Variants in EYS observed in about 807,000 individuals in gnomAD.
EYS encodes EGF-like photoreceptor maintenance factor.
Under a neutral mutation model 282.1 loss-of-function variants are expected in EYS, and 250 were observed. The ratio of observed to expected loss-of-function variants is 0.89; its 90% CI spans 0.80 to 0.98. EYS has a LOEUF of 0.98. EYS is among the 50% of genes least tolerant of loss of function. The probability of loss-of-function intolerance (pLI) is 0.00; values close to 1 mark genes in which losing one functional copy is unlikely to be tolerated. For missense variants in EYS, 4,016 were observed against 3,709.0 expected (o/e 1.08, Z -2.15); for synonymous variants, 1,355 against 1,282.9 (o/e 1.06, Z -1.20).
At chr6:65,205,693 C>A (rs909204941) in intron 12 of EYS, among the ~76,000 whole-genome samples, 11 of 151,818 alleles carry the variant, frequency 7.2e-5, no homozygotes, top group African/African-American at 2.7e-4. Context: ...GAAGTATTTT[C>A]TCAGATTAGA....
chr6:65,468,557 T>C (rs952324157), intron 5 of EYS, among the ~76,000 whole-genome samples: 1 of 152,084 alleles, frequency 6.6e-6, no homozygotes, highest in Non-Finnish European at 1.5e-5. Context: ...ATTTTGCATG[T>C]CAGGACCTGA....
chr6:64,453,987 C>G (rs1432211063), intron 26 of EYS, among the ~76,000 whole-genome samples: 2 of 151,980 alleles, frequency 1.3e-5, no homozygotes, highest in African/African-American at 2.4e-5. Context: ...TGCACATGTA[C>G]CCTAAAACTT....
intron 2 of EYS, among the ~76,000 whole-genome samples, chr6:65,586,533 A>C (rs1562273429): frequency 6.6e-6 from 1 of 152,218 alleles, no homozygotes; most frequent in East Asian, 1.9e-4. Context: ...ATTAGAGACA[A>C]AACTGATTGT....
intron 35 of EYS, among the ~76,000 whole-genome samples, chr6:63,880,226 C>A (rs1423915432): frequency 2.0e-5 from 3 of 152,084 alleles, no homozygotes; most frequent in Non-Finnish European, 4.4e-5. Context: ...ATCTGGTGGG[C>A]ACCATCTAAT....
chr6:64,215,082 T>C (rs1028964927), intron 31 of EYS, among the ~76,000 whole-genome samples: 27 of 152,018 alleles, frequency 1.8e-4, no homozygotes, highest in African/African-American at 6.5e-4. Context: ...TTCAGTGGTT[T>C]ATGATACTAA....
chr6:64,480,497 T>C (rs533323002), intron 26 of EYS, among the ~76,000 whole-genome samples: 1 of 151,960 alleles, frequency 6.6e-6, no homozygotes, highest in East Asian at 1.9e-4. Flanking sequence ...TTAATCTTTG[T>C]GCGATGTTAG....
intron 35 of EYS, among the ~76,000 whole-genome samples, chr6:63,878,132 T>C (rs1773029571): frequency 6.6e-6 from 1 of 152,216 alleles, no homozygotes; most frequent in African/African-American, 2.4e-5. Flanking sequence ...TCTTTGATGA[T>C]GGTGATGTAC....
intron 5 of EYS, among the ~76,000 whole-genome samples, chr6:65,457,289 T>A (rs556745129): frequency 1.3e-5 from 2 of 152,224 alleles, no homozygotes; most frequent in Admixed American, 6.5e-5. Context: ...CTCAGACTCC[T>A]ATGTTTCTGT....
intron 1 of EYS, among the ~76,000 whole-genome samples, chr6:65,676,720 ATTCTG>A (rs1768614656): frequency 6.6e-6 from 1 of 151,880 alleles, no homozygotes; most frequent in Admixed American, 6.6e-5. Flanking sequence ...GGCCAGCCTT[ATTCTG>A]AGATTAAAGC....
At chr6:65,450,625 G>A (rs2150401386) in intron 5 of EYS, among the ~76,000 whole-genome samples, 1 of 152,226 alleles carries the variant, frequency 6.6e-6, no homozygotes, top group South Asian at 2.1e-4. Flanking sequence ...TTCAGTCACA[G>A]ATATGCAGAT....
rs1771499619 is a variant in EYS at position 64,719,394 on chromosome 6, C to T, written c.3444-93149G>A. Among the ~76,000 whole-genome samples, 3 of 152,164 alleles carry T rather than the reference C, an allele frequency of 2.0e-5. No individual in the cohort carries two copies. The South Asian group carries it at 6.2e-4, about 32-fold the overall frequency. ...TAAGTTTTATTGCTATTAAATATTT[C>T]TATTTTTATTAAGGGAAGAGTACAT... On this transcript the variant is annotated intron_variant, in intron 22 of 42. Transcript: ENST00000503581.
chr6:65,114,196 A>G (rs1360510899), intron 12 of EYS, among the ~76,000 whole-genome samples: 2 of 152,066 alleles, frequency 1.3e-5, no homozygotes, highest in East Asian at 3.9e-4. Flanking sequence ...TCTCTCCATT[A>G]CATAAAAAAT....
chr6:64,500,574 C>CA, intron 26 of EYS, among the ~76,000 whole-genome samples: 1 of 151,878 alleles, frequency 6.6e-6, no homozygotes, highest in Admixed American at 6.6e-5. Context: ...AATTAAATAC[C>CA]AATGGTGTTC....
intron 1 of EYS, among the ~76,000 whole-genome samples, chr6:65,655,239 C>A (rs942509756): frequency 6.6e-6 from 1 of 151,386 alleles, no homozygotes; most frequent in Non-Finnish European, 1.5e-5. Flanking sequence ...AAATACTCTG[C>A]CATCAAGTAG....
chr6:64,945,145 AGAAT>A (rs1769241843), intron 15 of EYS, among the ~76,000 whole-genome samples: 1 of 148,964 alleles, frequency 6.7e-6, no homozygotes, highest in African/African-American at 2.5e-5. Context: ...AAAAAAAAAA[AGAAT>A]GGGAAAAATA....
intron 37 of EYS, among the ~76,000 whole-genome samples, chr6:63,801,414 T>G (rs1770779778): frequency 6.6e-6 from 1 of 152,158 alleles, no homozygotes; most frequent in Admixed American, 6.5e-5. Flanking sequence ...GAAGGCCTTA[T>G]CTAGGTGCCC....
intron 33 of EYS, among the ~76,000 whole-genome samples, chr6:64,024,601 C>G (rs781167177): frequency 3.6e-4 from 55 of 152,054 alleles, no homozygotes; most frequent in Non-Finnish European, 7.4e-5. Flanking sequence ...TCTTGCTGCT[C>G]CTCACTCTTT....
At chr6:65,203,835 G>A (rs1242930802) in intron 12 of EYS, among the ~76,000 whole-genome samples, 1 of 151,468 alleles carries the variant, frequency 6.6e-6, no homozygotes, top group Non-Finnish European at 1.5e-5. Flanking sequence ...AAAGAAAGTG[G>A]AATAACAATT....
chr6:63,941,512 T>C (rs1036981955), intron 35 of EYS, among the ~76,000 whole-genome samples: 1 of 152,070 alleles, frequency 6.6e-6, no homozygotes, highest in Non-Finnish European at 1.5e-5. Flanking sequence ...ATATCCTTCG[T>C]CCACTTTTTG....
Sources: allele counts gnomAD v4.1 joint callset (sites outside exome capture counted in the v4.1 genomes callset), GRCh38; gene constraint gnomAD v4.1.1; transcripts MANE v1.5; gene names NCBI Gene and HGNC (gene_info 2026-07-23, HGNC 2026-07-21).